The following SLFN12L variants were observed in gnomAD, a reference collection of about 807,000 sequenced individuals.
The protein encoded by SLFN12L is schlafen family member 12 like, also known as schlafen family member 12-like.
In SLFN12L, 34 loss-of-function variants were observed where a neutral mutation model predicts 34.8. The ratio of observed to expected loss-of-function variants is 0.98; its 90% confidence interval spans 0.74 to 1.30. The LOEUF (loss-of-function observed/expected upper bound fraction) is 1.30. SLFN12L is among the 50% of genes most tolerant of loss of function. SLFN12L has a pLI of 0.00. For missense variants in SLFN12L, 703 were observed against 696.2 expected (o/e 1.01, Z -0.11); for synonymous variants, 259 against 247.5 (o/e 1.05, Z -0.44).
At position 35,475,253 on chromosome 17, in the gene SLFN12L, C is replaced by T. The variant is rs1040901516; in HGVS notation, c.1509G>A (p.Met503Ile). Residue 503 changes from methionine (M) to isoleucine (I), a missense_variant, in exon 5 of 5, where the codon ATG (methionine) becomes ATA (isoleucine). Transcript: ENST00000628453. Reference sequence around the variant, plus strand: ...AGTCTTTAAACTCCTCATCCTGTACCATGTGGAAGGTGTATAGGACTGGAG... The same window carrying T: ...AGTCTTTAAACTCCTCATCCTGTACTATGTGGAAGGTGTATAGGACTGGAG... Reference protein sequence around the residue: ...DKPPVLYTFHMVQDEEFKDYS... With the variant: ...DKPPVLYTFHIVQDEEFKDYS... The T allele has an allele frequency of 5.6e-6, 9 of 1,613,960 alleles. No individual in the cohort carries two copies. The African/African-American group carries it at 1.1e-4, about 19-fold the overall frequency.
In SLFN12L at chr17:35,473,186, T is replaced by C. The variant is rs1383580685; in HGVS notation, c.*1737A>G. Reference sequence around the variant, plus strand: ...GCCCTGGCCGGAACTTCCAATACTATGTTGAATAGGAGTGGTGAGAGAGGG... The same window carrying C: ...GCCCTGGCCGGAACTTCCAATACTACGTTGAATAGGAGTGGTGAGAGAGGG... On this transcript the variant is annotated 3_prime_UTR_variant, in exon 5 of 5. Transcript: ENST00000628453. 2.6e-5 allele frequency among the ~76,000 whole-genome samples: 4 copies of C among 152,202 alleles called. No homozygotes were observed. Among genetic ancestry groups the C allele is most frequent in the African/African-American group, 7.2e-5 (3 of 41,464 alleles).
chr17:35,476,587 T>C (rs1914035170), intron 4 of SLFN12L, among the ~76,000 whole-genome samples: 1 of 152,048 alleles, frequency 6.6e-6, no homozygotes, highest in Admixed American at 6.6e-5. Context: ...ATCACTTTCA[T>C]CAGCCTCACG....
intron 2 of SLFN12L, among the ~76,000 whole-genome samples, chr17:35,517,151 G>T (rs1915853407): frequency 6.6e-6 from 1 of 152,116 alleles, no homozygotes; most frequent in Non-Finnish European, 1.5e-5. Context: ...ACAGATCTTG[G>T]TTTTTGCCAT....
chr17:35,498,650 C>T, intron 2 of SLFN12L: 4 of 1,603,954 alleles, frequency 2.5e-6, no homozygotes, highest in Non-Finnish European at 3.4e-6. Flanking sequence ...CCACTCAAAC[C>T]ATCCAGGACA....
chr17:35,522,596 G>T lies in SLFN12L; in HGVS notation c.-232C>A. 9.9e-6 allele frequency: 16 copies of T among 1,609,902 alleles called. No individual in the cohort carries two copies. The highest frequency in any genetic ancestry group is 1.4e-5 in the Non-Finnish European group (16 of 1,178,130). The stretch of plus-strand genomic sequence containing the variant: ...GTGCCTGCAAAACTATAGGACGCAG[G>T]GTAATCCATCGGAGACACTGCAGCC... On this transcript the variant is annotated 5_prime_UTR_variant, in exon 2 of 5. Coordinates refer to ENST00000628453, the MANE Select transcript of SLFN12L (RefSeq NM_001363830.2).
intron 1 of SLFN12L, among the ~76,000 whole-genome samples, chr17:35,530,716 T>G (rs1052037827): frequency 1.3e-5 from 2 of 151,760 alleles, no homozygotes; most frequent in Non-Finnish European, 2.9e-5. Context: ...TATTTGGGAG[T>G]GGTTGTGCAA....
chr17:35,533,811 T>C lies in SLFN12L; in HGVS notation c.-606+3762A>G, dbSNP rs144732473. Among the ~76,000 whole-genome samples the C allele has an allele frequency of 3.0e-3, 463 of 152,294 alleles. 5 individuals are homozygous for C. Among genetic ancestry groups the C allele is most frequent in the African/African-American group, 0.011 (442 of 41,566 alleles). On this transcript the variant is annotated intron_variant, in intron 1 of 4. Coordinates refer to ENST00000628453, the MANE Select transcript of SLFN12L (RefSeq NM_001363830.2). ...GTAATGGGAAGCTGGCCAGACACCA[T>C]AGCTCACGCCTGTAATCCCAGCACT...
rs1916042179 is a variant in SLFN12L at position 35,522,926 on chromosome 17, C to T, written c.-562G>A. 1.6e-6 allele frequency: 1 copy of T among 611,694 alleles called. No individual in the cohort carries two copies. Among genetic ancestry groups the T allele is most frequent in the African/African-American group, 1.9e-5 (1 of 53,876 alleles). 37.9% of individuals were successfully genotyped at this position (611,694 alleles called of 1,614,324 possible). A position where few individuals can be genotyped will look rare whatever the true frequency, so the allele number is the denominator to read the frequency against. The stretch of plus-strand genomic sequence containing the variant: ...ATCCTTCATTCTGTGAGGACAGCTC[C>T]TTCCAGAGGGATTCCAGAGTACATC... On this transcript the variant is annotated 5_prime_UTR_variant, in exon 2 of 5. Transcript: ENST00000628453.
rs1913737161 is a variant in SLFN12L at position 35,467,661 on chromosome 17, A to G, written c.*7262T>C. Among the ~76,000 whole-genome samples, 1 of 148,574 alleles carries G rather than the reference A, an allele frequency of 6.7e-6. No homozygotes were observed. The highest frequency in any genetic ancestry group is 1.5e-5 in the Non-Finnish European group (1 of 66,654). Reference sequence around the variant, plus strand: ...TTTATCTTGCCCCAGGCCTTAACCTATTTTTATAGATTTTCAATATCAAAC... The same window carrying G: ...TTTATCTTGCCCCAGGCCTTAACCTGTTTTTATAGATTTTCAATATCAAAC... On this transcript the variant is annotated 3_prime_UTR_variant, in exon 5 of 5. Transcript: ENST00000628453.
At position 35,524,720 on chromosome 17, in the gene SLFN12L, A is replaced by T. The variant is rs540244186; in HGVS notation, c.-605-1751T>A. Among the ~76,000 whole-genome samples, 300 of 152,312 alleles carry T rather than the reference A, an allele frequency of 2.0e-3. 3 individuals carry two copies. Among genetic ancestry groups the T allele is most frequent in the Non-Finnish European group, 1.5e-3 (103 of 68,024 alleles). ...TCTGAAGGTCACCAACATCAAAGAC[A>T]AAAGGTAGATAAATCCATGAAGATG... On this transcript the variant is annotated intron_variant, in intron 1 of 4. Transcript: ENST00000628453.
At position 35,474,866 on chromosome 17, in the gene SLFN12L, G is replaced by T. The variant is rs1913899781; in HGVS notation, c.*57C>A. On this transcript the variant is annotated 3_prime_UTR_variant, in exon 5 of 5. Transcript: ENST00000628453. ...GAATTGCTTGAACCCAGGAGGCAGA[G>T]GTTGCAGTGAGTCGAGATCGTGTCA... The T allele has an allele frequency of 6.8e-7, 1 of 1,465,050 alleles. No homozygotes were observed. The highest frequency in any genetic ancestry group is 9.0e-7 in the Non-Finnish European group (1 of 1,110,320). 90.8% of individuals were successfully genotyped at this position (1,465,050 alleles called of 1,614,324 possible).
intron 2 of SLFN12L, among the ~76,000 whole-genome samples, chr17:35,509,787 T>G (rs1010156413): frequency 7.2e-5 from 11 of 151,998 alleles, no homozygotes; most frequent in Non-Finnish European, 1.5e-4. Flanking sequence ...AAGCTCCGCC[T>G]CCTGGGTTCA....
At chr17:35,523,394 C>A (rs1248817074) in intron 1 of SLFN12L, among the ~76,000 whole-genome samples, 1 of 152,134 alleles carries the variant, frequency 6.6e-6, no homozygotes, top group Non-Finnish European at 1.5e-5. Context: ...AGGAGCCTTC[C>A]CAGGAAGAAG....
intron 1 of SLFN12L, among the ~76,000 whole-genome samples, chr17:35,527,995 C>T (rs1161714275): frequency 6.6e-6 from 1 of 152,206 alleles, no homozygotes; most frequent in Non-Finnish European, 1.5e-5. Flanking sequence ...TTATAAGCAA[C>T]TTCAGCAAAG....
intron 1 of SLFN12L, among the ~76,000 whole-genome samples, chr17:35,532,858 A>C (rs1444751717): frequency 1.3e-5 from 2 of 152,188 alleles, no homozygotes; most frequent in African/African-American, 4.8e-5. Context: ...ATTCCACTGC[A>C]CTCCAGCCTG....
chr17:35,530,847 A>G (rs974744922), intron 1 of SLFN12L, among the ~76,000 whole-genome samples: 2 of 152,152 alleles, frequency 1.3e-5, no homozygotes, highest in African/African-American at 4.8e-5. Flanking sequence ...ATGCCGTGAA[A>G]ACATTTCGTT....
intron 2 of SLFN12L, among the ~76,000 whole-genome samples, chr17:35,501,199 C>T (rs187937453): frequency 6.6e-6 from 1 of 152,338 alleles, no homozygotes; most frequent in East Asian, 1.9e-4. Flanking sequence ...AACATGGATC[C>T]TGAGAGCACT....
At chr17:35,492,455 T>C (rs1411717684) in intron 2 of SLFN12L, among the ~76,000 whole-genome samples, 5 of 152,150 alleles carry the variant, frequency 3.3e-5, no homozygotes, top group African/African-American at 1.2e-4. Flanking sequence ...TGGAGTCAGA[T>C]GGAGAGACCT....
intron 2 of SLFN12L, among the ~76,000 whole-genome samples, chr17:35,506,528 G>A (rs1915469705): frequency 6.6e-6 from 1 of 152,144 alleles, no homozygotes; most frequent in South Asian, 2.1e-4. Flanking sequence ...GAAATTGATG[G>A]GGCTGGACTG....
Sources: allele counts gnomAD v4.1 joint callset (sites outside exome capture counted in the v4.1 genomes callset), GRCh38; gene constraint gnomAD v4.1.1; transcripts MANE v1.5; gene names NCBI Gene and HGNC (gene_info 2026-07-23, HGNC 2026-07-21).